OMA1: variants seen among roughly 807,000 people sequenced by gnomAD.
The protein encoded by OMA1 is metalloendopeptidase OMA1, mitochondrial.
A neutral mutation model predicts 30.9 loss-of-function variants in OMA1; 38 were observed. That is an observed-to-expected ratio of 1.23 (90% confidence interval 0.95 to 1.61). The LOEUF (loss-of-function observed/expected upper bound fraction) is 1.61, where lower values mean the gene tolerates loss of function less well. Among genes scored for constraint, OMA1 ranks in the 40% most tolerant of loss-of-function variants. The probability of loss-of-function intolerance (pLI) is 0.00; values close to 1 mark genes in which losing one functional copy is unlikely to be tolerated. For missense variants in OMA1, 461 were observed against 349.2 expected, an observed-to-expected ratio of 1.32 and a Z score of -2.55; for synonymous variants, 173 against 121.9, an observed-to-expected ratio of 1.42 and a Z score of -2.76.
In OMA1 at chr1:58,529,384, T is replaced by C. The variant is rs1226485605; in HGVS notation, c.1140+1217A>G. 3.3e-5 allele frequency among the ~76,000 whole-genome samples: 5 copies of C among 152,200 alleles called. No homozygotes were observed. In the East Asian group the frequency reaches 9.6e-4, roughly 29 times the overall value. On this transcript the variant is annotated intron_variant, in intron 6 of 8. Coordinates refer to ENST00000371226, the MANE Select transcript of OMA1 (RefSeq NM_145243.5). ...AGAAAGATGTAAAACAAAAAAATTA[T>C]GGTTAACAAAGTAGTTATAAAGATT... is the stretch of plus-strand genomic sequence containing the variant.
intron 7 of OMA1, among the ~76,000 whole-genome samples, chr1:58,524,466 T>C (rs952849223): frequency 1.3e-5 from 2 of 152,224 alleles, no homozygotes; most frequent in African/African-American, 4.8e-5. Flanking sequence ...TTGAATCATA[T>C]TAGAGTCTAT....
intron 7 of OMA1, among the ~76,000 whole-genome samples, chr1:58,506,751 C>G (rs1311954306): frequency 2.0e-5 from 3 of 152,038 alleles, no homozygotes; most frequent in African/African-American, 7.2e-5. Context: ...CTAGAACAAT[C>G]AGAAAAAAAC....
At chr1:58,537,161 T>C (rs1397868304) in intron 2 of OMA1, among the ~76,000 whole-genome samples, 1 of 151,930 alleles carries the variant, frequency 6.6e-6, no homozygotes, top group Non-Finnish European at 1.5e-5. Flanking sequence ...AGGTAACTTG[T>C]CCATGGCCAC....
intron 3 of OMA1, among the ~76,000 whole-genome samples, chr1:58,535,832 T>C (rs1014379037): frequency 3.9e-5 from 6 of 152,062 alleles, no homozygotes; most frequent in African/African-American, 1.4e-4. Context: ...TAAATTTGGA[T>C]TCAAAAAATA....
In OMA1 at chr1:58,518,277, G is replaced by GGA. The variant is rs1553123888; in HGVS notation, c.1215+8982_1215+8983dup. ...GGGAGAGGGGAGAGGAGAGAGGAGAGGAGAAGAGAAGAGAAGAGAAGAGAA... is the reference window on the plus strand; with the variant it reads ...GGGAGAGGGGAGAGGAGAGAGGAGAGGAGAGAAGAGAAGAGAAGAGAAGAGAA... On this transcript the variant is annotated intron_variant, in intron 7 of 8. Coordinates refer to ENST00000371226, the MANE Select transcript of OMA1 (RefSeq NM_145243.5). 8.3e-4 allele frequency among the ~76,000 whole-genome samples: 2 copies of GGA among 2,400 alleles called. 1 individual carries two copies. 1.6% of individuals were successfully genotyped at this position (2,400 alleles called of 152,430 possible).
chr1:58,529,217 A>G (rs1646396084), intron 6 of OMA1, among the ~76,000 whole-genome samples: 1 of 152,188 alleles, frequency 6.6e-6, no homozygotes, highest in South Asian at 2.1e-4. Context: ...TCTCAAAAAC[A>G]ATTTGTCTCA....
chr1:58,498,455 CTT>C (rs1221072394), intron 8 of OMA1, among the ~76,000 whole-genome samples: 1 of 152,088 alleles, frequency 6.6e-6, no homozygotes, highest in Non-Finnish European at 1.5e-5. Context: ...CAAGCATATA[CTT>C]TTAAGAAGGC....
chr1:58,511,317 C>T (rs1646073345), intron 7 of OMA1, among the ~76,000 whole-genome samples: 1 of 151,972 alleles, frequency 6.6e-6, no homozygotes, highest in South Asian at 2.1e-4. Flanking sequence ...AAAATTAAGC[C>T]CACACAAATA....
chr1:58,534,158 T>C lies in OMA1; in HGVS notation c.903A>G (p.Pro301=), dbSNP rs758756394. The C allele has an allele frequency of 1.4e-5, 12 of 870,342 alleles. No individual in the cohort carries two copies. The highest frequency in any genetic ancestry group is 2.0e-6 in the Non-Finnish European group (1 of 501,166). The allele number at this position is 870,342 out of a possible 1,614,324, so 53.9% of individuals were successfully genotyped here. Residue 301 remains proline, a splice_region_variant and synonymous_variant, in exon 4 of 9, where the codon CCA becomes CCG. Transcript: ENST00000371226. ...AATGCGTTTGAGAACATTTACTTAC[T>C]GGAAGCACGAAGGCATTAATAATTG... ...DSPIINAFVL[P]NGQMFVFTGF... is the part of the protein sequence containing the mutation.
intron 7 of OMA1, among the ~76,000 whole-genome samples, chr1:58,516,492 G>A (rs1322396337): frequency 1.3e-5 from 2 of 152,260 alleles, no homozygotes; most frequent in Admixed American, 6.5e-5. Context: ...TCTTACCAGT[G>A]ATTATTAATT....
At chr1:58,528,690 C>T (rs1646388148) in intron 6 of OMA1, among the ~76,000 whole-genome samples, 1 of 152,128 alleles carries the variant, frequency 6.6e-6, no homozygotes, top group African/African-American at 2.4e-5. Flanking sequence ...ATTGAGAAAT[C>T]CTGCTTTAAA....
Position 58,539,089 on chromosome 1 carries a change from T to G in OMA1, c.206A>C (p.His69Pro). The change falls in exon 2 of 9, where the codon CAT becomes CCT. Residue 69 changes from histidine to proline, a missense_variant. His to Pro is a moderately conservative substitution (Grantham distance 77). Transcript: ENST00000371226. ...TTTGTTGTTAAAAGTACTATAAAAA[T>G]GAAAGTTTCCAGGCAGAAAACTCCA... ...DRWSFLPGNF[H>P]FYSTFNNKRT... The G allele has an allele frequency of 1.1e-6, 1 of 872,942 alleles. No homozygotes were observed. The highest frequency in any genetic ancestry group is 2.0e-6 in the Non-Finnish European group (1 of 501,642). 54.1% of individuals were successfully genotyped at this position (872,942 alleles called of 1,614,324 possible).
chr1:58,523,283 CACA>C (rs1415182085), intron 7 of OMA1, among the ~76,000 whole-genome samples: 1 of 152,196 alleles, frequency 6.6e-6, no homozygotes, highest in Non-Finnish European at 1.5e-5. Flanking sequence ...TGTGGTCACG[CACA>C]ACATCTGGAT....
chr1:58,514,676 C>G (rs1367395080), intron 7 of OMA1, among the ~76,000 whole-genome samples: 1 of 152,230 alleles, frequency 6.6e-6, no homozygotes, highest in Middle Eastern at 3.4e-3. Context: ...AGGATTGTGG[C>G]AGGGGGAGCT....
intron 7 of OMA1, among the ~76,000 whole-genome samples, chr1:58,523,906 G>A (rs527890565): frequency 1.3e-5 from 2 of 151,790 alleles, no homozygotes; most frequent in South Asian, 4.2e-4. Context: ...CTCAAAAAAA[G>A]AAAAAAAGAA....
At chr1:58,522,209 G>A (rs1044595521) in intron 7 of OMA1, among the ~76,000 whole-genome samples, 3 of 152,134 alleles carry the variant, frequency 2.0e-5, no homozygotes, top group African/African-American at 7.2e-5. Flanking sequence ...ATAGCTAATG[G>A]ATGCTGGGCT....
At chr1:58,545,026 C>T (rs1295433457) in intron 1 of OMA1, among the ~76,000 whole-genome samples, 3 of 152,132 alleles carry the variant, frequency 2.0e-5, no homozygotes, top group Admixed American at 6.5e-5. Context: ...TGAGCCACCA[C>T]GCCTGGACTT....
At chr1:58,514,414 C>G (rs1406239421) in intron 7 of OMA1, among the ~76,000 whole-genome samples, 1 of 152,138 alleles carries the variant, frequency 6.6e-6, no homozygotes, top group African/African-American at 2.4e-5. Context: ...TTACCTGTAG[C>G]CAACGTTTTC....
At chr1:58,541,041 G>A (rs1194046297) in intron 1 of OMA1, among the ~76,000 whole-genome samples, 1 of 151,978 alleles carries the variant, frequency 6.6e-6, no homozygotes, top group East Asian at 1.9e-4. Flanking sequence ...TGGGCATGGT[G>A]GCTCACGCCT....
Sources: gnomAD v4.1 joint callset for allele counts (sites outside exome capture counted in the v4.1 genomes callset) on GRCh38, gnomAD v4.1.1 for gene constraint, MANE v1.5 for transcripts, NCBI Gene and HGNC (gene_info 2026-07-23, HGNC 2026-07-21) for gene names.